The following PCDH15 variants were observed in gnomAD, a reference collection of about 807,000 sequenced individuals.
PCDH15 encodes the protein protocadherin related 15, also known as protocadherin-15.
A neutral mutation model predicts 178.5 loss-of-function variants in PCDH15; 129 were observed. That is an observed-to-expected ratio of 0.72 (90% CI 0.63 to 0.84). PCDH15 has a LOEUF of 0.84. PCDH15 is among the 40% of genes least tolerant of loss of function. The pLI is 0.00. For synonymous variants in PCDH15, 800 were observed against 732.0 expected (o/e 1.09, Z -1.50); for missense variants, 2,230 against 2,099.9 (o/e 1.06, Z -1.21).
intron 1 of PCDH15, among the ~76,000 whole-genome samples, chr10:55,226,544 G>A (rs755935635): frequency 1.3e-5 from 2 of 151,738 alleles, no homozygotes; most frequent in Non-Finnish European, 2.9e-5. Context: ...ACCACAGTCG[G>A]CTAATTTTTA....
chr10:55,153,466 T>A (rs145993962), intron 2 of PCDH15, among the ~76,000 whole-genome samples: 2 of 152,148 alleles, frequency 1.3e-5, no homozygotes, highest in Admixed American at 6.6e-5. Context: ...TTCACCTTTG[T>A]AGTGGGCGTA....
chr10:54,703,124 A>C (rs1011011333), intron 1 of PCDH15, among the ~76,000 whole-genome samples: 5 of 152,150 alleles, frequency 3.3e-5, no homozygotes, highest in African/African-American at 1.2e-4. Flanking sequence ...TTCACAACAA[A>C]TCCACATGAT....
At chr10:55,453,992 T>C (rs1839492443) in intron 2 of PCDH15, among the ~76,000 whole-genome samples, 1 of 152,196 alleles carries the variant, frequency 6.6e-6, no homozygotes, top group Admixed American at 6.5e-5. Flanking sequence ...TTTACTTTTA[T>C]GTAATTATAA....
intron 3 of PCDH15, among the ~76,000 whole-genome samples, chr10:54,821,421 A>T (rs2133740576): frequency 6.6e-6 from 1 of 152,248 alleles, no homozygotes; most frequent in African/African-American, 2.4e-5. Context: ...TTAATAAAAA[A>T]AAAATTACAA....
In PCDH15 at chr10:54,664,234, C is replaced by T. The variant is rs368180234; in HGVS notation, c.29G>A (p.Cys10Tyr). 1.7e-4 allele frequency: 277 copies of T among 1,611,998 alleles called. No individual in the cohort carries two copies. The highest frequency in any genetic ancestry group is 2.3e-4 in the Non-Finnish European group (267 of 1,178,768). MFRQFYLWT[C>Y]LASGIILGSL... ...GCCCAGGATGATCCCTGAAGCTAAA[C>T]ATGTCCAGAGATAAAACTGTCGAAA... Residue 10 changes from cysteine to tyrosine, a missense_variant, in exon 2 of 38, where the codon TGT (cysteine) becomes TAT (tyrosine). Transcript: ENST00000644397.
chr10:54,359,849 T>G (rs1003537130), intron 5 of PCDH15, among the ~76,000 whole-genome samples: 13 of 152,234 alleles, frequency 8.5e-5, no homozygotes, highest in Middle Eastern at 3.4e-3. Context: ...AAACTCATTG[T>G]TTAAAATTAA....
At chr10:54,618,905 T>A (rs1294719578) in intron 2 of PCDH15, among the ~76,000 whole-genome samples, 3 of 151,594 alleles carry the variant, frequency 2.0e-5, no homozygotes, top group Non-Finnish European at 4.4e-5. Context: ...GAAAAAAAAA[T>A]TTGTATCTGC....
chr10:55,341,569 G>A (rs1297865117), intron 2 of PCDH15, among the ~76,000 whole-genome samples: 1 of 140,816 alleles, frequency 7.1e-6, no homozygotes, highest in South Asian at 2.3e-4. Flanking sequence ...TTCTAGATTA[G>A]CATCCTTTTT....
intron 2 of PCDH15, among the ~76,000 whole-genome samples, chr10:54,919,272 A>C (rs1440747199): frequency 6.6e-6 from 1 of 152,160 alleles, no homozygotes; most frequent in Non-Finnish European, 1.5e-5. Flanking sequence ...TAGTTTCCCT[A>C]CAATATATGA....
intron 3 of PCDH15, among the ~76,000 whole-genome samples, chr10:54,855,727 A>G (rs1953729511): frequency 6.6e-6 from 1 of 152,210 alleles, no homozygotes; most frequent in Admixed American, 6.5e-5. Flanking sequence ...TCAGAGAAAT[A>G]TGATCATCCT....
rs192875209 is a variant in PCDH15, at chr10:55,265,341, T to C, written c.-156+54258A>G. Among the ~76,000 whole-genome samples the C allele has an allele frequency of 4.8e-3, 699 of 144,670 alleles. 5 individuals carry two copies. Among genetic ancestry groups the C allele is most frequent in the African/African-American group, 0.017 (641 of 38,080 alleles). The allele number at this position is 144,670 out of a possible 152,430, so 94.9% of individuals were successfully genotyped here. A position where few individuals can be genotyped will look rare whatever the true frequency, so the allele number is the denominator to read the frequency against. On this transcript the variant is annotated intron_variant, in intron 1 of 5. Transcript: ENST00000458638. ...ATATATATATATAGACATAGAGATA[T>C]ATCTCTATAATAGATATAGGGATAG...
rs1358107317 is a variant in PCDH15, at chr10:53,806,271, A to AATG, written c.*305_*307dup. ...AATCTATGTTAATCAATAAAATATA[A>AATG]ATGATTATTTAGTAATTATTTCTTG... On this transcript the variant is annotated 3_prime_UTR_variant, in exon 38 of 38. Transcript: ENST00000644397. 8.2e-6 allele frequency: 2 copies of AATG among 243,672 alleles called. No individual in the cohort carries two copies. The highest frequency in any genetic ancestry group is 8.9e-5 in the East Asian group (1 of 11,280). The allele number at this position is 243,672 out of a possible 1,614,324, so 15.1% of individuals were successfully genotyped here. A position where few individuals can be genotyped will look rare whatever the true frequency, so the allele number is the denominator to read the frequency against.
rs199715705 is a variant in PCDH15, at chr10:54,819,335, A to ATGTT, written c.-29+78111_-29+78114dup. Among the ~76,000 whole-genome samples the ATGTT allele has an allele frequency of 3.7e-3, 560 of 152,184 alleles. 1 individual carries two copies. The highest frequency in any genetic ancestry group is 0.013 in the African/African-American group (539 of 41,556). Reference sequence around the variant, plus strand: ...TCATATTTGGGGTCTTTAATTCACAATGTTCATATTTAATCATTTTCAATT... The same window carrying ATGTT: ...TCATATTTGGGGTCTTTAATTCACAATGTTTGTTCATATTTAATCATTTTCAATT... On this transcript the variant is annotated intron_variant, in intron 3 of 5. Coordinates refer to the PCDH15 transcript ENST00000458638.
chr10:53,989,952 G>C (rs879764272), intron 21 of PCDH15, among the ~76,000 whole-genome samples: 1 of 152,074 alleles, frequency 6.6e-6, no homozygotes, highest in Non-Finnish European at 1.5e-5. Context: ...TTTTGACTAT[G>C]GCACACAAAG....
intron 1 of PCDH15, among the ~76,000 whole-genome samples, chr10:55,272,749 C>G (rs985356706): frequency 1.3e-5 from 2 of 151,976 alleles, no homozygotes; most frequent in African/African-American, 4.8e-5. Context: ...TGAGGTTGGA[C>G]AGTTAAGGAC....
chr10:54,907,777 A>G (rs774370230), intron 2 of PCDH15, among the ~76,000 whole-genome samples: 5 of 152,160 alleles, frequency 3.3e-5, no homozygotes, highest in Non-Finnish European at 7.3e-5. Context: ...TATTTTCTGT[A>G]CTGCAACCCT....
At chr10:55,284,793 G>A (rs1842825016) in intron 1 of PCDH15, among the ~76,000 whole-genome samples, 1 of 151,936 alleles carries the variant, frequency 6.6e-6, no homozygotes, top group African/African-American at 2.4e-5. Context: ...TATTTATCAT[G>A]GGGGAGTTAC....
intron 21 of PCDH15, among the ~76,000 whole-genome samples, chr10:53,975,782 C>CA (rs1371791031): frequency 2.0e-5 from 3 of 152,088 alleles, no homozygotes; most frequent in Admixed American, 6.6e-5. Flanking sequence ...AATTAGTTCC[C>CA]ACTCATCAAT....
intron 21 of PCDH15, among the ~76,000 whole-genome samples, chr10:53,966,630 G>GA (rs35599036): frequency 6.6e-6 from 1 of 151,854 alleles, no homozygotes. Context: ...TTTAATCTTG[G>GA]AAAAAATTGT....
Sources: allele counts gnomAD v4.1 joint callset (sites outside exome capture counted in the v4.1 genomes callset), GRCh38; gene constraint gnomAD v4.1.1; transcripts MANE v1.5; gene names NCBI Gene and HGNC (gene_info 2026-07-23, HGNC 2026-07-21).